The following WWP1 variants were observed in gnomAD, a reference collection of about 807,000 sequenced individuals.
The protein encoded by WWP1 is NEDD4-like E3 ubiquitin-protein ligase WWP1.
Under a neutral mutation model 130.6 loss-of-function variants are expected in WWP1, and 49 were observed. The observed-to-expected ratio is 0.38, with a 90% CI of 0.30 to 0.48. WWP1 has a LOEUF of 0.48. Ranked by LOEUF, WWP1 falls within the 20% of genes least tolerant of loss-of-function variation. The probability of loss-of-function intolerance (pLI) is 0.99; values close to 1 mark genes in which losing one functional copy is unlikely to be tolerated. For synonymous variants in WWP1, 332 were observed against 367.8 expected (o/e 0.90, Z 1.11); for missense variants, 809 against 1,100.6 (o/e 0.74, Z 3.75).
intron 1 of WWP1, among the ~76,000 whole-genome samples, chr8:86,359,909 C>T (rs558861269): frequency 4.6e-5 from 7 of 151,914 alleles, no homozygotes; most frequent in East Asian, 1.9e-4. Flanking sequence ...ATTAGCCGGG[C>T]GTGGTGGCGG....
intron 5 of WWP1, among the ~76,000 whole-genome samples, chr8:86,392,957 C>T (rs148832275): frequency 2.8e-4 from 43 of 152,118 alleles, no homozygotes; most frequent in African/African-American, 9.4e-4. Context: ...ACAAACGTAG[C>T]GTATGACAGC....
At chr8:86,409,562 A>T (rs1266567278) in intron 8 of WWP1, among the ~76,000 whole-genome samples, 1 of 150,296 alleles carries the variant, frequency 6.7e-6, no homozygotes, top group Non-Finnish European at 1.5e-5. Context: ...TGATCTTAAT[A>T]GAAGTTCTTA....
At position 86,411,682 on chromosome 8, in the gene WWP1, C is replaced by T. The variant is rs755456055; in HGVS notation, c.869C>T (p.Ser290Leu). 9 of 1,614,130 alleles carry T rather than the reference C, an allele frequency of 5.6e-6. 1 individual carries two copies. In the South Asian group the frequency reaches 6.6e-5, roughly 12 times the overall value. The change falls in exon 9 of 25, where the codon TCA (serine) becomes TTA (leucine). Residue 290 changes from serine (S) to leucine (L), a missense_variant. By Grantham distance (145) the Ser-to-Leu change is moderately radical. Coordinates refer to ENST00000517970, the MANE Select transcript of WWP1 (RefSeq NM_007013.4). ...DPPVQEILTS[S>L]ENNECIPSTS... is the part of the protein sequence containing the mutation. Reference sequence around the variant, plus strand: ...CCAGTTCAAGAAATACTGACTTCCTCAGAAAACAATGAATGTATTCCTTCT... The same window carrying T: ...CCAGTTCAAGAAATACTGACTTCCTTAGAAAACAATGAATGTATTCCTTCT...
intron 18 of WWP1, among the ~76,000 whole-genome samples, chr8:86,446,251 G>T (rs1331783620): frequency 1.3e-5 from 2 of 151,978 alleles, no homozygotes; most frequent in African/African-American, 4.8e-5. Context: ...CCAAGTGCTG[G>T]GATTACAGGC....
At chr8:86,390,524 C>T (rs1483089680) in intron 5 of WWP1, among the ~76,000 whole-genome samples, 5 of 152,202 alleles carry the variant, frequency 3.3e-5, no homozygotes, top group Non-Finnish European at 5.9e-5. Context: ...GAAACCCCGT[C>T]TCCACCAAAA....
intron 21 of WWP1, among the ~76,000 whole-genome samples, chr8:86,457,421 G>A (rs1811510265): frequency 7.4e-6 from 1 of 135,052 alleles, no homozygotes; most frequent in African/African-American, 2.6e-5. Flanking sequence ...CTGTCTGTCT[G>A]TCTGTCTGTC....
intron 5 of WWP1, among the ~76,000 whole-genome samples, chr8:86,389,913 G>T (rs1825539024): frequency 6.6e-6 from 1 of 151,770 alleles, no homozygotes; most frequent in Admixed American, 6.6e-5. Flanking sequence ...CGGCTGCCGG[G>T]CGGAGACGCT....
chr8:86,401,831 TTACTC>T (rs1401809184), intron 7 of WWP1, among the ~76,000 whole-genome samples, 183 bp from the exon 8 acceptor site: 7 of 152,144 alleles, frequency 4.6e-5, no homozygotes, highest in Admixed American at 3.3e-4. Context: ...TCTTTGTTCA[TTACTC>T]TATTTACCTA....
chr8:86,380,713 AT>A lies in WWP1; in HGVS notation c.71-10del. On this transcript the variant is annotated splice_polypyrimidine_tract_variant and intron_variant, in intron 3 of 24. Transcript: ENST00000517970. ...GGCAACACATACTCACTAGTGAATT[AT>A]TTGTCTGTTAGTTTCTAGTGCCAAA... 2 of 1,603,526 alleles carry A rather than the reference AT, an allele frequency of 1.2e-6. No individual in the cohort carries two copies. The highest frequency in any genetic ancestry group is 2.2e-5 in the South Asian group (2 of 88,920).
At chr8:86,442,529 G>A (rs1810645199) in intron 17 of WWP1, 90 bp from the exon 18 acceptor site, 1 of 1,220,792 alleles carries the variant, frequency 8.2e-7, no homozygotes, top group East Asian at 2.7e-5. Flanking sequence ...CTGTTGAGCA[G>A]AGGTATGATG....
chr8:86,353,867 C>G (rs1823099387), intron 1 of WWP1, among the ~76,000 whole-genome samples: 1 of 152,166 alleles, frequency 6.6e-6, no homozygotes, highest in African/African-American at 2.4e-5. Flanking sequence ...CTCTTTTTGT[C>G]TATGCCCTGT....
At chr8:86,423,700 C>CCAT (rs1323963242) in intron 9 of WWP1, among the ~76,000 whole-genome samples, 2 of 152,190 alleles carry the variant, frequency 1.3e-5, no homozygotes, top group Admixed American at 1.3e-4. Context: ...CACAAAACCG[C>CCAT]CATCATCATC....
At position 86,398,322 on chromosome 8, in the gene WWP1, T is replaced by G. The variant is rs1400012755; in HGVS notation, c.335-20T>G. ...TTATATGTGGCAAAAGCTTTTAAAT[T>G]AGAATATTCTTCTTTCTAGTGGAAA... On this transcript the variant is annotated intron_variant, in intron 5 of 24. Coordinates refer to ENST00000517970, the MANE Select transcript of WWP1 (RefSeq NM_007013.4). The G allele has an allele frequency of 6.4e-7, 1 of 1,559,556 alleles. No individual in the cohort carries two copies. The highest frequency in any genetic ancestry group is 1.2e-5 in the South Asian group (1 of 83,370).
At chr8:86,465,132 A>G (rs1465879117) in intron 24 of WWP1, among the ~76,000 whole-genome samples, 1 of 152,152 alleles carries the variant, frequency 6.6e-6, no homozygotes, top group Non-Finnish European at 1.5e-5. Flanking sequence ...TATTCATTAG[A>G]GGAACACGGC....
At chr8:86,412,831 C>T (rs1287737842) in intron 9 of WWP1, among the ~76,000 whole-genome samples, 4 of 151,980 alleles carry the variant, frequency 2.6e-5, no homozygotes, top group African/African-American at 9.7e-5. Context: ...TAGCACTCTC[C>T]ATTATTATTA....
chr8:86,450,077 AG>A (rs1013121178), intron 20 of WWP1, among the ~76,000 whole-genome samples: 1 of 152,226 alleles, frequency 6.6e-6, no homozygotes, highest in Non-Finnish European at 1.5e-5. Context: ...AGTATTTAAT[AG>A]ATACTGCTAT....
At chr8:86,402,466 T>A (rs1280432947) in intron 8 of WWP1, among the ~76,000 whole-genome samples, 1 of 152,192 alleles carries the variant, frequency 6.6e-6, no homozygotes, top group Non-Finnish European at 1.5e-5. Context: ...GTTTTTGTAT[T>A]TTTAATAGAG....
rs932472174 is a variant in WWP1 at position 86,468,408 on chromosome 8, C to T, written c.*1515C>T. The T allele has an allele frequency of 2.2e-6, 1 of 449,248 alleles. No individual in the cohort carries two copies. The highest frequency in any genetic ancestry group is 4.4e-6 in the Non-Finnish European group (1 of 225,386). The allele number at this position is 449,248 out of a possible 1,614,324, so 27.8% of individuals were successfully genotyped here. A position where few individuals can be genotyped will look rare whatever the true frequency, so the allele number is the denominator to read the frequency against. The stretch of plus-strand genomic sequence containing the variant: ...TTTCCAAATCCTTATTATGAACACT[C>T]TGGTAATTTTCAAGCCTAAAGAATT... On this transcript the variant is annotated 3_prime_UTR_variant, in exon 25 of 25. Coordinates refer to ENST00000517970, the MANE Select transcript of WWP1 (RefSeq NM_007013.4).
rs76378834 is a variant in WWP1, at chr8:86,422,205, C to T, written c.1062-3018C>T. ...GCACCCCAGGAATACTCTCTCATGT[C>T]GCTTCCGAAACACTGCCTTCTCGAG... On this transcript the variant is annotated intron_variant, in intron 9 of 24. Coordinates refer to ENST00000517970, the MANE Select transcript of WWP1 (RefSeq NM_007013.4). Among the ~76,000 whole-genome samples, 1,026 of 152,126 alleles carry T rather than the reference C, an allele frequency of 6.7e-3. 10 individuals carry two copies. The highest frequency in any genetic ancestry group is 0.024 in the African/African-American group (977 of 41,512).
Sources: gnomAD v4.1 joint callset for allele counts (sites outside exome capture counted in the v4.1 genomes callset) on GRCh38, gnomAD v4.1.1 for gene constraint, MANE v1.5 for transcripts, NCBI Gene and HGNC (gene_info 2026-07-23, HGNC 2026-07-21) for gene names.